LYPLA1: variants seen among roughly 807,000 people sequenced by gnomAD.
LYPLA1 encodes acyl-protein thioesterase 1.
In LYPLA1, 17 loss-of-function variants were observed where a neutral mutation model predicts 34.0. The ratio of observed to expected loss-of-function variants is 0.50; its 90% confidence interval spans 0.34 to 0.75. LYPLA1 has a LOEUF of 0.75. Among genes scored for constraint, LYPLA1 ranks in the 30% least tolerant of loss-of-function variants. The pLI is 0.01. For missense variants in LYPLA1, 203 were observed against 288.8 expected (o/e 0.70, Z 2.15); for synonymous variants, 98 against 100.8 (o/e 0.97, Z 0.17).
chr8:54,064,778 GGAA>G (rs1470082746), intron 3 of LYPLA1, among the ~76,000 whole-genome samples: 8 of 151,980 alleles, frequency 5.3e-5, no homozygotes, highest in Admixed American at 3.3e-4. Context: ...GGGCTACATT[GGAA>G]GAAGAATTGT....
At chr8:54,100,106 C>T (rs916113842) in intron 2 of LYPLA1, 5 of 152,162 alleles carry the variant, frequency 3.3e-5, no homozygotes, top group African/African-American at 1.2e-4. Context: ...TTAAGTTTCA[C>T]AGATTATCAC....
intron 2 of LYPLA1, among the ~76,000 whole-genome samples, chr8:54,070,945 C>T (rs1234279817): frequency 5.3e-5 from 8 of 152,056 alleles, no homozygotes; most frequent in African/African-American, 1.2e-4. Flanking sequence ...GCAAAACTTA[C>T]GGTGAATACA....
chr8:54,075,673 T>C (rs890575037), intron 2 of LYPLA1, among the ~76,000 whole-genome samples: 7 of 152,238 alleles, frequency 4.6e-5, no homozygotes, highest in Non-Finnish European at 1.5e-5. Flanking sequence ...CAATTATACT[T>C]ATTAGGCATA....
intron 2 of LYPLA1, among the ~76,000 whole-genome samples, chr8:54,088,960 G>C (rs55864901): frequency 0.13 from 19,181 of 152,158 alleles, 3,206 homozygotes; most frequent in African/African-American, 0.39. Context: ...GTTATAAAAT[G>C]AAAGAAGCCA....
chr8:54,073,246 A>G (rs1190313870), intron 2 of LYPLA1: 7 of 870,392 alleles, frequency 8.0e-6, no homozygotes, highest in Non-Finnish European at 1.2e-5. Context: ...ACTAAACAGA[A>G]CCTGCTGTCT....
intron 4 of LYPLA1, among the ~76,000 whole-genome samples, chr8:54,062,837 G>A (rs1806760225): frequency 6.6e-6 from 1 of 152,264 alleles, no homozygotes; most frequent in East Asian, 1.9e-4. Context: ...TAACAGACCT[G>A]ATGTTAGGAG....
At chr8:54,084,716 A>C (rs1191707204) in intron 2 of LYPLA1, among the ~76,000 whole-genome samples, 1 of 152,254 alleles carries the variant, frequency 6.6e-6, no homozygotes, top group African/African-American at 2.4e-5. Flanking sequence ...AGAACAGACT[A>C]CTACTAACTT....
At chr8:54,057,412 T>C (rs779273645) in intron 5 of LYPLA1, among the ~76,000 whole-genome samples, 3 of 152,158 alleles carry the variant, frequency 2.0e-5, no homozygotes, top group Non-Finnish European at 2.9e-5. Context: ...AAGTAACCTA[T>C]GTGTCCATCA....
chr8:54,081,707 G>A lies in LYPLA1; in HGVS notation c.102-15894C>T, dbSNP rs531897344. ...TGGGATTACAGGCGTGCACCACTGC[G>A]CCCAGCCTTTCTTTTCGTTTTTTTT... On this transcript the variant is annotated intron_variant, in intron 2 of 8. Transcript: ENST00000316963. 3.2e-3 allele frequency among the ~76,000 whole-genome samples: 477 copies of A among 149,550 alleles called. 1 individual carries two copies. Among genetic ancestry groups the A allele is most frequent in the African/African-American group, 1.0e-2 (401 of 40,214 alleles).
At chr8:54,092,680 A>C (rs1169756252) in intron 2 of LYPLA1, among the ~76,000 whole-genome samples, 1 of 152,096 alleles carries the variant, frequency 6.6e-6, no homozygotes, top group Admixed American at 6.5e-5. Flanking sequence ...ACAATGAAAA[A>C]CTCAAGATTT....
chr8:54,065,804 C>T lies in LYPLA1; in HGVS notation c.111G>A (p.Trp37Ter), dbSNP rs1016419627. 4 of 1,613,300 alleles carry T rather than the reference C, an allele frequency of 2.5e-6. No individual in the cohort carries two copies. Among genetic ancestry groups the T allele is most frequent in the Admixed American group, 3.3e-5 (2 of 59,974 alleles). Residue 37 changes from tryptophan to a stop codon, truncating the protein, a stop_gained, in exon 3 of 9, where the codon TGG becomes TGA. Transcript: ENST00000316963. LOFTEE classifies it high-confidence loss of function. ...LHGLGDTGHG[W>*]AEAFAGIRSS... ...TTCTGATACCTGCAAAGGCTTCTGC[C>T]CATCCGTGCCTGGTGGAAAAATCAT...
chr8:54,093,255 C>T (rs79409691), intron 2 of LYPLA1, among the ~76,000 whole-genome samples: 1 of 152,226 alleles, frequency 6.6e-6, no homozygotes, highest in Non-Finnish European at 1.5e-5. Flanking sequence ...CCCAAATTCA[C>T]ATCCACCTGA....
intron 3 of LYPLA1, among the ~76,000 whole-genome samples, chr8:54,063,584 A>G (rs369732506): frequency 3.5e-4 from 54 of 152,362 alleles, no homozygotes; most frequent in African/African-American, 1.2e-3. Flanking sequence ...CAACAGCAAC[A>G]AAGGACGAAG....
chr8:54,084,134 A>AAAAAAAAAAAAATTTT (rs1808517114), intron 2 of LYPLA1, among the ~76,000 whole-genome samples: 2 of 126,852 alleles, frequency 1.6e-5, no homozygotes, highest in Non-Finnish European at 1.6e-5. Context: ...GAAAAAAAAA[A>AAAAAAAAAAAAATTTT]TAAATAAATA....
Position 54,073,115 on chromosome 8 carries a change from C to T in LYPLA1, c.102-7302G>A, listed in dbSNP as rs372727522. ...TAAGGGTTGGGCCATCAGGAACTTG[C>T]GCGTCCATCTCAGGGAGACCTGGCC... is the stretch of plus-strand genomic sequence containing the variant. On this transcript the variant is annotated intron_variant, in intron 2 of 8. Coordinates refer to ENST00000316963, the MANE Select transcript of LYPLA1 (RefSeq NM_006330.4). 1.3e-4 allele frequency: 88 copies of T among 685,976 alleles called. 1 individual carries two copies. The highest frequency in any genetic ancestry group is 6.5e-4 in the African/African-American group (37 of 56,728). 42.5% of individuals were successfully genotyped at this position (685,976 alleles called of 1,614,324 possible). A position where few individuals can be genotyped will look rare whatever the true frequency, so the allele number is the denominator to read the frequency against.
intron 6 of LYPLA1, chr8:54,054,802 T>G (rs1243314498): frequency 2.9e-6 from 1 of 347,476 alleles, no homozygotes; most frequent in African/African-American, 2.2e-5. Context: ...CTCATGCCTG[T>G]GTTATCAGTT....
chr8:54,049,501 T>G (rs1260642125), intron 8 of LYPLA1, among the ~76,000 whole-genome samples: 1 of 152,104 alleles, frequency 6.6e-6, no homozygotes, highest in East Asian at 1.9e-4. Flanking sequence ...GGAGATCAAG[T>G]GATCCTCTCG....
At chr8:54,084,949 C>T (rs1017503145) in intron 2 of LYPLA1, among the ~76,000 whole-genome samples, 2 of 152,070 alleles carry the variant, frequency 1.3e-5, no homozygotes, top group Admixed American at 1.3e-4. Context: ...TCTACCAATC[C>T]AATGTTTAAA....
In LYPLA1 at chr8:54,101,739, C is replaced by G; in HGVS notation, c.69+16G>C. The G allele has an allele frequency of 7.7e-7, 1 of 1,298,670 alleles. No homozygotes were observed. The highest frequency in any genetic ancestry group is 9.9e-7 in the Non-Finnish European group (1 of 1,013,918). 80.4% of individuals were successfully genotyped at this position (1,298,670 alleles called of 1,614,324 possible). On this transcript the variant is annotated intron_variant, in intron 1 of 8. Transcript: ENST00000316963. Reference sequence around the variant, plus strand: ...GGCCCAGTGGACCCCTCCGAGCCCACGCCTACGCCACTCACCGCAGCGGTG... The same window carrying G: ...GGCCCAGTGGACCCCTCCGAGCCCAGGCCTACGCCACTCACCGCAGCGGTG...
Sources: allele counts gnomAD v4.1 joint callset (sites outside exome capture counted in the v4.1 genomes callset), GRCh38; gene constraint gnomAD v4.1.1; transcripts MANE v1.5; gene names NCBI Gene and HGNC (gene_info 2026-07-23, HGNC 2026-07-21).